The following DLGAP2 variants were observed in gnomAD, a reference collection of about 807,000 sequenced individuals.
DLGAP2 encodes disks large-associated protein 2.
DLGAP2 carries 26 observed loss-of-function variants against 100.3 expected under a neutral mutation model. The observed-to-expected ratio is 0.26, with a 90% confidence interval of 0.19 to 0.36. The LOEUF (loss-of-function observed/expected upper bound fraction) is 0.36, where lower values mean the gene tolerates loss of function less well. Ranked by LOEUF, DLGAP2 falls within the 10% of genes least tolerant of loss-of-function variation. The pLI, the probability that DLGAP2 is intolerant of heterozygous loss-of-function variation, is 1.00. For synonymous variants in DLGAP2, 886 were observed against 630.1 expected (o/e 1.41, Z -6.08); for missense variants, 1,858 against 1,453.2 (o/e 1.28, Z -4.53).
chr8:980,007 G>A (rs1422311457), intron 2 of DLGAP2, among the ~76,000 whole-genome samples: 3 of 152,152 alleles, frequency 2.0e-5, no homozygotes, highest in Non-Finnish European at 4.4e-5. Context: ...CAACCTCTAG[G>A]ACTTGGCAAC....
At chr8:1,623,959 T>G (rs910828497) in intron 6 of DLGAP2, among the ~76,000 whole-genome samples, 3 of 152,200 alleles carry the variant, frequency 2.0e-5, no homozygotes, top group East Asian at 3.8e-4. Context: ...AATATGTATT[T>G]GAAACATAGA....
At position 1,112,070 on chromosome 8, in the gene DLGAP2, G is replaced by A. The variant is rs547629798; in HGVS notation, c.74-146781G>A. ...TTTCTCCACAACCTCACCAGCATCC[G>A]TTATTTTTTGACTTTTTAATGATGG... On this transcript the variant is annotated intron_variant, in intron 2 of 14. Transcript: ENST00000637795. 6.6e-5 allele frequency among the ~76,000 whole-genome samples: 10 copies of A among 152,032 alleles called. 1 individual carries two copies. The highest frequency in any genetic ancestry group is 6.8e-3 in the Middle Eastern group (2 of 294).
At chr8:930,400 G>A (rs770979708) in intron 2 of DLGAP2, among the ~76,000 whole-genome samples, 1 of 152,244 alleles carries the variant, frequency 6.6e-6, no homozygotes, top group Non-Finnish European at 1.5e-5. Context: ...AAGAGTTCCT[G>A]TGCTGGGGTG....
intron 6 of DLGAP2, chr8:1,604,715 T>C (rs1200902830): frequency 6.6e-6 from 1 of 152,170 alleles, no homozygotes; most frequent in Non-Finnish European, 1.5e-5. Flanking sequence ...AACCATCCAA[T>C]GAATGTCTTC....
intron 4 of DLGAP2, among the ~76,000 whole-genome samples, chr8:1,511,796 C>T (rs1450687142): frequency 1.3e-5 from 2 of 150,730 alleles, no homozygotes; most frequent in African/African-American, 4.9e-5. Flanking sequence ...CAGTAGATGA[C>T]CATCTTCCAT....
In DLGAP2 at chr8:933,140, C is replaced by T. The variant is rs7016019; in HGVS notation, c.73+25174C>T. Among the ~76,000 whole-genome samples the T allele has an allele frequency of 2.7e-3, 405 of 152,372 alleles. 1 individual carries two copies. Among genetic ancestry groups the T allele is most frequent in the African/African-American group, 9.2e-3 (381 of 41,578 alleles). On this transcript the variant is annotated intron_variant, in intron 2 of 14. Transcript: ENST00000637795. ...AGTGGCAGCTGCTGTCTGTTCCCTTCAGAGAAGGAAGCTTTGGCTTATGGG... is the reference window on the plus strand; with the variant it reads ...AGTGGCAGCTGCTGTCTGTTCCCTTTAGAGAAGGAAGCTTTGGCTTATGGG...
At chr8:1,523,778 C>A (rs773103702) in intron 4 of DLGAP2, among the ~76,000 whole-genome samples, 1 of 152,200 alleles carries the variant, frequency 6.6e-6, no homozygotes, top group African/African-American at 2.4e-5. Context: ...GACAAGCTCC[C>A]GAGGGCCATC....
chr8:1,604,678 G>C (rs1796739928), intron 6 of DLGAP2: 1 of 152,190 alleles, frequency 6.6e-6, no homozygotes, highest in South Asian at 2.1e-4. Context: ...GCACGCAGGA[G>C]ACTGTGATCC....
In DLGAP2 at chr8:769,135, G is replaced by A. The variant is rs537103450; in HGVS notation, c.18+31310G>A. On this transcript the variant is annotated intron_variant, in intron 1 of 14. Coordinates refer to ENST00000637795, the MANE Select transcript of DLGAP2 (RefSeq NM_001346810.2). ...TGAGTGTGAGCAGCTCGGATCTCTAGAGAAAGAAAATCAGCTCAGAAACCT... is the reference window on the plus strand; with the variant it reads ...TGAGTGTGAGCAGCTCGGATCTCTAAAGAAAGAAAATCAGCTCAGAAACCT... Among the ~76,000 whole-genome samples the A allele has an allele frequency of 9.9e-5, 15 of 152,200 alleles. No homozygotes were observed. In the South Asian group the frequency reaches 2.9e-3, roughly 29 times the overall value.
chr8:1,509,290 C>T (rs554403325), intron 4 of DLGAP2, among the ~76,000 whole-genome samples: 1 of 150,750 alleles, frequency 6.6e-6, no homozygotes. Flanking sequence ...GATATTACGC[C>T]TCTGTGCTCC....
At chr8:1,589,228 C>G (rs1474384108) in intron 6 of DLGAP2, among the ~76,000 whole-genome samples, 1 of 152,210 alleles carries the variant, frequency 6.6e-6, no homozygotes, top group African/African-American at 2.4e-5. Flanking sequence ...TCGTTGTCTT[C>G]TAGGCCCCCT....
At chr8:1,064,447 C>T (rs527358031) in intron 2 of DLGAP2, among the ~76,000 whole-genome samples, 1 of 152,160 alleles carries the variant, frequency 6.6e-6, no homozygotes, top group Non-Finnish European at 1.5e-5. Context: ...TGTGATTTCA[C>T]CAGCATTAAT....
At chr8:1,447,431 G>A (rs1798011754) in intron 3 of DLGAP2, among the ~76,000 whole-genome samples, 2 of 152,334 alleles carry the variant, frequency 1.3e-5, no homozygotes, top group South Asian at 2.1e-4. Flanking sequence ...TCCCAGGGAT[G>A]AAGCCCACTT....
chr8:1,170,904 G>A (rs972761699), intron 2 of DLGAP2, among the ~76,000 whole-genome samples: 1 of 147,868 alleles, frequency 6.8e-6, no homozygotes, highest in Non-Finnish European at 1.5e-5. Flanking sequence ...TCTGATTTTA[G>A]TTATTTCTTG....
intron 6 of DLGAP2, among the ~76,000 whole-genome samples, chr8:1,616,569 C>T (rs986424114): frequency 1.3e-5 from 2 of 152,054 alleles, no homozygotes; most frequent in Non-Finnish European, 2.9e-5. Context: ...CAATGGGAGC[C>T]AGAAGACAAT....
chr8:908,559 T>C lies in DLGAP2; in HGVS notation c.73+593T>C, dbSNP rs111377231. On this transcript the variant is annotated intron_variant, in intron 2 of 14. Coordinates refer to ENST00000637795, the MANE Select transcript of DLGAP2 (RefSeq NM_001346810.2). ...GTTTTGCCTGACCTTTAAGGAAACA[T>C]GACGGAGAAAAAGAAGGTCTAAAAA... 1.4e-3 allele frequency among the ~76,000 whole-genome samples: 213 copies of C among 152,284 alleles called. 2 individuals carry two copies. Among genetic ancestry groups the C allele is most frequent in the African/African-American group, 4.7e-3 (196 of 41,544 alleles).
At chr8:1,000,246 C>A (rs187335446) in intron 2 of DLGAP2, among the ~76,000 whole-genome samples, 1 of 150,054 alleles carries the variant, frequency 6.7e-6, no homozygotes, top group Admixed American at 6.7e-5. Flanking sequence ...GGGTGGTTTT[C>A]TTTTGCACTG....
chr8:1,261,657 T>A (rs1412655028), intron 3 of DLGAP2, among the ~76,000 whole-genome samples: 1 of 152,212 alleles, frequency 6.6e-6, no homozygotes, highest in African/African-American at 2.4e-5. Flanking sequence ...GTGTTTCAGA[T>A]GTACGAGTGC....
chr8:1,018,311 A>C (rs1801530917), intron 2 of DLGAP2, among the ~76,000 whole-genome samples: 1 of 152,212 alleles, frequency 6.6e-6, no homozygotes, highest in Admixed American at 6.5e-5. Context: ...GTGTGTGACT[A>C]AACTGAGCTG....
Sources: allele counts gnomAD v4.1 joint callset (sites outside exome capture counted in the v4.1 genomes callset), GRCh38; gene constraint gnomAD v4.1.1; transcripts MANE v1.5; gene names NCBI Gene and HGNC (gene_info 2026-07-23, HGNC 2026-07-21).